The following TBC1D10C variants were observed in gnomAD, a reference collection of about 807,000 sequenced individuals.
The protein encoded by TBC1D10C is TBC1 domain family member 10C.
Under a neutral mutation model 51.0 loss-of-function variants are expected in TBC1D10C, and 49 were observed. The ratio of observed to expected loss-of-function variants is 0.96; its 90% CI spans 0.76 to 1.22. TBC1D10C has a LOEUF of 1.22. Ranked by LOEUF, TBC1D10C falls within the 50% of genes most tolerant of loss-of-function variation. The probability of loss-of-function intolerance (pLI) is 0.00; values close to 1 mark genes in which losing one functional copy is unlikely to be tolerated. For synonymous variants in TBC1D10C, 281 were observed against 266.7 expected (o/e 1.05, Z -0.52); for missense variants, 541 against 617.5 (o/e 0.88, Z 1.31).
intron 5 of TBC1D10C, chr11:67,406,414 A>G (rs2135029042): frequency 1.7e-6 from 1 of 580,274 alleles, no homozygotes; most frequent in Admixed American, 3.1e-5. Flanking sequence ...TGTGATTTCC[A>G]ACACCCTAAA....
rs918873357 is a variant in TBC1D10C at position 67,409,973 on chromosome 11, C to G, written c.*219C>G. 1 of 542,486 alleles carries G rather than the reference C, an allele frequency of 1.8e-6. No homozygotes were observed. Among genetic ancestry groups the G allele is most frequent in the African/African-American group, 2.0e-5 (1 of 50,368 alleles). 33.6% of individuals were successfully genotyped at this position (542,486 alleles called of 1,614,324 possible). On this transcript the variant is annotated 3_prime_UTR_variant, in exon 9 of 9. Coordinates refer to ENST00000542590, the MANE Select transcript of TBC1D10C (RefSeq NM_001369496.1). Reference sequence around the variant, plus strand: ...GTGGGGCACGTGAGGACCCATGGAACCGTCCTGGTGCCCAGGCCCTCACAA... The same window carrying G: ...GTGGGGCACGTGAGGACCCATGGAAGCGTCCTGGTGCCCAGGCCCTCACAA...
chr11:67,404,495 C>T, intron 1 of TBC1D10C, 141 bp downstream of exon 1: 1 of 897,600 alleles, frequency 1.1e-6, no homozygotes. Context: ...CTGCAGGTGC[C>T]AGGTGGAACC....
chr11:67,406,397 T>C (rs1440983728), intron 5 of TBC1D10C: 7 of 572,926 alleles, frequency 1.2e-5, no homozygotes, highest in African/African-American at 1.9e-5. Flanking sequence ...TCTAACACCA[T>C]GAGCCCTGTG....
chr11:67,405,110 A>T lies in TBC1D10C; in HGVS notation c.178A>T (p.Ile60Phe). The T allele has an allele frequency of 6.4e-7, 1 of 1,551,330 alleles. No homozygotes were observed. The highest frequency in any genetic ancestry group is 8.7e-7 in the Non-Finnish European group (1 of 1,146,900). The change falls in exon 2 of 9, where the codon ATC (isoleucine) becomes TTC (phenylalanine). Residue 60 changes from isoleucine to phenylalanine, a missense_variant. Transcript: ENST00000542590. ...GCCGGGCCACCCACCTGCAGACCTC[A>T]TCCGCCAACGGGAGATGAAGTGGGT... ...PGPGHPPADL[I>F]RQREMKWVEM...
chr11:67,410,075 A>C lies in TBC1D10C; in HGVS notation c.*321A>C. 1.0e-5 allele frequency: 3 copies of C among 287,144 alleles called. No individual in the cohort carries two copies. The highest frequency in any genetic ancestry group is 8.6e-5 in the East Asian group (1 of 11,636). 17.8% of individuals were successfully genotyped at this position (287,144 alleles called of 1,614,324 possible). Reference sequence around the variant, plus strand: ...GACCCCAGAGGGCACCAGGAATAAAATCTTCTTGAACAGATGCCTTGGATG... The same window carrying C: ...GACCCCAGAGGGCACCAGGAATAAACTCTTCTTGAACAGATGCCTTGGATG... On this transcript the variant is annotated 3_prime_UTR_variant, in exon 9 of 9. Coordinates refer to ENST00000542590, the MANE Select transcript of TBC1D10C (RefSeq NM_001369496.1).
rs755208892 is a variant in TBC1D10C at position 67,409,481 on chromosome 11, C to T, written c.1068C>T (p.Ser356=). 1.4e-5 allele frequency: 21 copies of T among 1,548,580 alleles called. No homozygotes were observed. In the East Asian group the frequency reaches 1.7e-4, roughly 13 times the overall value. Residue 356 remains serine (S), a synonymous_variant, in exon 9 of 9, where the codon TCC becomes TCT. Coordinates refer to ENST00000542590, the MANE Select transcript of TBC1D10C (RefSeq NM_001369496.1). ...IKAQLAQLPD[S]APGPPPRPQV... The stretch of plus-strand genomic sequence containing the variant: ...CCCAGCTGGCCCAGCTGCCCGATTC[C>T]GCGCCGGGACCCCCGCCCCGGCCAC...
At position 67,406,884 on chromosome 11, in the gene TBC1D10C, C is replaced by T; in HGVS notation, c.706C>T (p.His236Tyr). 1 of 1,610,944 alleles carries T rather than the reference C, an allele frequency of 6.2e-7. No individual in the cohort carries two copies. The highest frequency in any genetic ancestry group is 1.1e-5 in the South Asian group (1 of 91,054). Residue 236 changes from histidine to tyrosine, a missense_variant, in exon 7 of 9, where the codon CAC becomes TAC. Transcript: ENST00000542590. Reference sequence around the variant, plus strand: ...GGCCCTGCTGCGGCGGCTGCTTCCGCACGTGCACAAGCACCTGCAGCAGGT... The same window carrying T: ...GGCCCTGCTGCGGCGGCTGCTTCCGTACGTGCACAAGCACCTGCAGCAGGT... ...FMALLRRLLP[H>Y]VHKHLQQVGV... is the part of the protein sequence containing the mutation.
At position 67,409,071 on chromosome 11, in the gene TBC1D10C, A is replaced by G. The variant is rs1863322696; in HGVS notation, c.931A>G (p.Thr311Ala). The change falls in exon 8 of 9, where the codon ACA (threonine) becomes GCA (alanine). Residue 311 changes from threonine (T) to alanine (A), a missense_variant. Physicochemically the swap from Thr to Ala is moderately conservative, Grantham distance 58. Coordinates refer to ENST00000542590, the MANE Select transcript of TBC1D10C (RefSeq NM_001369496.1). ...AGGGGCCTGCCCTGGCCTCCTGGAGACACTGGGAGCCCTTCGAGCCATCCC... is the reference window on the plus strand; with the variant it reads ...AGGGGCCTGCCCTGGCCTCCTGGAGGCACTGGGAGCCCTTCGAGCCATCCC... The part of the protein sequence containing the change: ...QRGACPGLLE[T>A]LGALRAIPPA... 2 of 1,603,784 alleles carry G rather than the reference A, an allele frequency of 1.2e-6. No homozygotes were observed. Among genetic ancestry groups the G allele is most frequent in the Non-Finnish European group, 1.7e-6 (2 of 1,176,792 alleles).
rs147100387 is a variant in TBC1D10C, at chr11:67,405,119, C to G, written c.187C>G (p.Arg63Gly). The G allele has an allele frequency of 1.9e-6, 3 of 1,551,406 alleles. No individual in the cohort carries two copies. The East Asian group carries it at 7.3e-5, about 38-fold the overall frequency. The change falls in exon 2 of 9, where the codon CGG (arginine) becomes GGG (glycine). Residue 63 changes from arginine to glycine, a missense_variant. Arg to Gly is a moderately radical substitution (Grantham distance 125). Coordinates refer to ENST00000542590, the MANE Select transcript of TBC1D10C (RefSeq NM_001369496.1). ...CCCACCTGCAGACCTCATCCGCCAA[C>G]GGGAGATGAAGTGGGTGGAGATGAC... ...GHPPADLIRQREMKWVEMTSH... is the reference protein window; with the variant it reads ...GHPPADLIRQGEMKWVEMTSH...
At chr11:67,407,175 A>C in intron 7 of TBC1D10C, 159 bp downstream of exon 7, 1 of 882,714 alleles carries the variant, frequency 1.1e-6, no homozygotes, top group African/African-American at 1.7e-5. Flanking sequence ...ATCACCCATC[A>C]CCCAGGCACC....
rs530513874 is a variant in TBC1D10C at position 67,405,818 on chromosome 11, G to C, written c.468-85G>C. 18 of 1,536,990 alleles carry C rather than the reference G, an allele frequency of 1.2e-5. No individual in the cohort carries two copies. The South Asian group carries it at 2.1e-4, about 18-fold the overall frequency. On this transcript the variant is annotated intron_variant, in intron 4 of 8. Coordinates refer to ENST00000542590, the MANE Select transcript of TBC1D10C (RefSeq NM_001369496.1). ...CTCAGGGGACCCAGGAAGGCCCAGG[G>C]AGGCTGAGGCCTGGGCAGAGGCCCC...
chr11:67,409,297 A>C, intron 8 of TBC1D10C, 110 bp from the exon 9 acceptor site: 3 of 1,393,482 alleles, frequency 2.2e-6, no homozygotes, highest in Non-Finnish European at 2.9e-6. Flanking sequence ...GTGGCTCCCC[A>C]GTGAGGCTGT....
At chr11:67,407,369 G>T in intron 7 of TBC1D10C, 2 of 253,518 alleles carry the variant, frequency 7.9e-6, no homozygotes, top group Non-Finnish European at 1.5e-5. Flanking sequence ...GGAATCAAGT[G>T]ATCGAGACCT....
chr11:67,409,856 C>A lies in TBC1D10C; in HGVS notation c.*102C>A. ...TTACTCTTGGGACTCGGGGACTTGG[C>A]TTCCTTCCTGGCAAGGACCAGGCAG... On this transcript the variant is annotated 3_prime_UTR_variant, in exon 9 of 9. Coordinates refer to ENST00000542590, the MANE Select transcript of TBC1D10C (RefSeq NM_001369496.1). 2 of 1,080,880 alleles carry A rather than the reference C, an allele frequency of 1.9e-6. No individual in the cohort carries two copies. The highest frequency in any genetic ancestry group is 1.3e-6 in the Non-Finnish European group (1 of 768,522). 67.0% of individuals were successfully genotyped at this position (1,080,880 alleles called of 1,614,324 possible).
chr11:67,406,728 G>C lies in TBC1D10C; in HGVS notation c.648+36G>C, dbSNP rs751843786. 4 of 1,580,344 alleles carry C rather than the reference G, an allele frequency of 2.5e-6. 1 individual carries two copies. The South Asian group carries it at 4.5e-5, about 18-fold the overall frequency. ...GACATGGGGGCTGGAGGAAGGAGGG[G>C]CAGGGGCCCGGTGAGTGGGTGGGGG... On this transcript the variant is annotated intron_variant, in intron 6 of 8. Transcript: ENST00000542590.
At chr11:67,406,194 G>C (rs993756611) in intron 5 of TBC1D10C, 177 bp downstream of exon 5, 13 of 564,630 alleles carry the variant, frequency 2.3e-5, no homozygotes, top group Non-Finnish European at 4.0e-5. Flanking sequence ...CTTGACTCCA[G>C]GAACCTGGGA....
intron 7 of TBC1D10C, chr11:67,407,824 A>C (rs898592753): frequency 3.3e-5 from 5 of 152,282 alleles, no homozygotes; most frequent in African/African-American, 4.8e-5. Flanking sequence ...ACGTGGTAGA[A>C]ATCAGTCAGC....
Position 67,409,126 on chromosome 11 carries a change from T to C in TBC1D10C, c.986T>C (p.Met329Thr), listed in dbSNP as rs554034570. ...PPAQLQEEAF[M>T]SQVHSVVLSE... is the part of the protein sequence containing the mutation. ...GCGCAGCTGCAGGAGGAGGCCTTCA[T>C]GTCACAGGTGGGTACCCCCACCTCT... is the stretch of plus-strand genomic sequence containing the variant. The change falls in exon 8 of 9, where the codon ATG becomes ACG. Residue 329 changes from methionine (M) to threonine (T), a missense_variant. Transcript: ENST00000542590. 1 of 1,593,346 alleles carries C rather than the reference T, an allele frequency of 6.3e-7. No homozygotes were observed. The highest frequency in any genetic ancestry group is 8.5e-7 in the Non-Finnish European group (1 of 1,171,006).
intron 7 of TBC1D10C, chr11:67,408,442 A>C (rs1002614623): frequency 2.0e-5 from 3 of 152,656 alleles, no homozygotes; most frequent in Non-Finnish European, 4.4e-5. Context: ...GGGTGTGGAC[A>C]GGGAGCTAGC....
Sources: allele counts gnomAD v4.1 joint callset, GRCh38; gene constraint gnomAD v4.1.1; transcripts MANE v1.5; gene names NCBI Gene and HGNC (gene_info 2026-07-23, HGNC 2026-07-21).